Variants in ERBIN observed in about 807,000 individuals in gnomAD.
The protein encoded by ERBIN is densin-180-like protein.
In ERBIN, 60 loss-of-function variants were observed where a neutral mutation model predicts 158.4. The ratio of observed to expected loss-of-function variants is 0.38; its 90% CI spans 0.31 to 0.47. The LOEUF (loss-of-function observed/expected upper bound fraction) is 0.47, where lower values mean the gene tolerates loss of function less well. Among genes scored for constraint, ERBIN ranks in the 20% least tolerant of loss-of-function variants. The probability of loss-of-function intolerance (pLI) is 0.99; values close to 1 mark genes in which losing one functional copy is unlikely to be tolerated. For missense variants in ERBIN, 1,610 were observed against 1,648.0 expected (o/e 0.98, Z 0.40); for synonymous variants, 594 against 557.2 (o/e 1.07, Z -0.93).
At chr5:66,020,064 G>A (rs1283488443) in intron 7 of ERBIN, among the ~76,000 whole-genome samples, 1 of 152,068 alleles carries the variant, frequency 6.6e-6, no homozygotes, top group Non-Finnish European at 1.5e-5. Flanking sequence ...GTTTTCTGGG[G>A]AAAGATATGA....
chr5:65,941,811 G>T (rs1295286857), intron 1 of ERBIN, among the ~76,000 whole-genome samples: 6 of 151,868 alleles, frequency 4.0e-5, no homozygotes, highest in Non-Finnish European at 8.8e-5. Context: ...CACGATCTCT[G>T]CTCACTGCAA....
intron 5 of ERBIN, among the ~76,000 whole-genome samples, 174 bp downstream of exon 5, chr5:66,012,301 A>C (rs931079155): frequency 3.9e-5 from 6 of 152,194 alleles, no homozygotes; most frequent in Non-Finnish European, 8.8e-5. Flanking sequence ...CCCATGTACT[A>C]CTGAGGTAAA....
chr5:65,970,902 A>C (rs1052649941), intron 1 of ERBIN, among the ~76,000 whole-genome samples: 3 of 152,184 alleles, frequency 2.0e-5, no homozygotes, highest in Non-Finnish European at 4.4e-5. Context: ...CTAAAATTAG[A>C]AACTCCTTGA....
intron 21 of ERBIN, among the ~76,000 whole-genome samples, chr5:66,066,506 C>G (rs570619311): frequency 6.7e-6 from 1 of 149,374 alleles, no homozygotes; most frequent in South Asian, 2.1e-4. Flanking sequence ...CCCTCTTAAC[C>G]TCCCACTGCC....
intron 4 of ERBIN, among the ~76,000 whole-genome samples, chr5:66,008,714 TAAC>T (rs1037305925): frequency 3.3e-5 from 5 of 152,186 alleles, no homozygotes; most frequent in African/African-American, 1.2e-4. Flanking sequence ...TAGATTTTAA[TAAC>T]AACCAATAAA....
intron 1 of ERBIN, among the ~76,000 whole-genome samples, chr5:65,976,224 A>G (rs1749837091): frequency 6.6e-6 from 1 of 152,210 alleles, no homozygotes; most frequent in Non-Finnish European, 1.5e-5. Context: ...CTATAATCCC[A>G]GCACTTTGGG....
At chr5:65,929,624 T>C (rs1030396713) in intron 1 of ERBIN, among the ~76,000 whole-genome samples, 3 of 151,524 alleles carry the variant, frequency 2.0e-5, no homozygotes, top group Non-Finnish European at 4.4e-5. Context: ...TAAAGATGTC[T>C]TTGTCTTTTC....
At chr5:66,075,713 C>G (rs1012330518) in intron 23 of ERBIN, among the ~76,000 whole-genome samples, 2 of 152,016 alleles carry the variant, frequency 1.3e-5, no homozygotes, top group African/African-American at 4.8e-5. Flanking sequence ...AGATCAAATG[C>G]TTTATTCATT....
chr5:66,014,610 T>C (rs896189069), intron 6 of ERBIN, 59 bp from the exon 7 acceptor site: 15 of 819,610 alleles, frequency 1.8e-5, no homozygotes, highest in African/African-American at 5.6e-5. Flanking sequence ...GAATATGAAA[T>C]TAATTTATTA....
intron 8 of ERBIN, 101 bp from the exon 9 acceptor site, chr5:66,023,189 A>G (rs1226770659): frequency 2.5e-6 from 2 of 815,774 alleles, no homozygotes; most frequent in Non-Finnish European, 4.1e-6. Context: ...TAATGATTTG[A>G]AACTAAAGGT....
intron 8 of ERBIN, chr5:66,023,049 A>T (rs540671456): frequency 2.7e-6 from 1 of 367,168 alleles, no homozygotes; most frequent in South Asian, 5.4e-5. Flanking sequence ...ATCTACTGCT[A>T]TGGCATGTCT....
rs1483486833 is a variant in ERBIN at position 66,021,481 on chromosome 5, G to T, written c.597+96G>T. ...TATTTCTCTTACAAATTGGATAAAGGTTTACTTTTTTTTCTTAGTTACAAG... is the reference window on the plus strand; with the variant it reads ...TATTTCTCTTACAAATTGGATAAAGTTTTACTTTTTTTTCTTAGTTACAAG... On this transcript the variant is annotated intron_variant, in intron 8 of 25. Coordinates refer to ENST00000284037, the MANE Select transcript of ERBIN (RefSeq NM_001253697.2). 5.4e-6 allele frequency: 5 copies of T among 931,384 alleles called. No homozygotes were observed. In the South Asian group the frequency reaches 6.6e-5, roughly 12 times the overall value. The allele number at this position is 931,384 out of a possible 1,614,324, so 57.7% of individuals were successfully genotyped here.
chr5:66,068,782 T>G (rs1761256514), intron 21 of ERBIN: 3 of 1,102,446 alleles, frequency 2.7e-6, no homozygotes, highest in East Asian at 2.8e-5. Flanking sequence ...TCTCTGGTTT[T>G]GGGGTTACTT....
chr5:66,059,451 G>A (rs1000888007), intron 21 of ERBIN, among the ~76,000 whole-genome samples: 2 of 152,266 alleles, frequency 1.3e-5, no homozygotes, highest in East Asian at 1.9e-4. Flanking sequence ...AGATGATAGG[G>A]TTTTCTAGAT....
At chr5:66,037,209 G>A (rs573799501) in intron 14 of ERBIN, among the ~76,000 whole-genome samples, 93 of 152,142 alleles carry the variant, frequency 6.1e-4, no homozygotes, top group Non-Finnish European at 1.1e-3. Flanking sequence ...TGAATTACTC[G>A]TGACTTTGGA....
chr5:66,013,952 A>T (rs1754461355), intron 6 of ERBIN, among the ~76,000 whole-genome samples: 1 of 152,112 alleles, frequency 6.6e-6, no homozygotes, highest in Non-Finnish European at 1.5e-5. Context: ...TTAATAATTG[A>T]TTTATCTGTC....
At chr5:66,015,057 A>T (rs775013817) in intron 7 of ERBIN, among the ~76,000 whole-genome samples, 2 of 152,184 alleles carry the variant, frequency 1.3e-5, no homozygotes, top group African/African-American at 4.8e-5. Flanking sequence ...GTTCATACAC[A>T]TAGTGCTCAT....
At chr5:66,067,082 G>A (rs1415714034) in intron 21 of ERBIN, among the ~76,000 whole-genome samples, 8 of 152,152 alleles carry the variant, frequency 5.3e-5, no homozygotes, top group African/African-American at 1.9e-4. Context: ...ATGTATGTAT[G>A]AATGATTTCT....
intron 1 of ERBIN, among the ~76,000 whole-genome samples, chr5:65,953,252 G>A (rs1229444037): frequency 1.3e-5 from 2 of 152,234 alleles, no homozygotes; most frequent in East Asian, 1.9e-4. Flanking sequence ...ACACAGTCTA[G>A]TTGGTATAGT....
Sources: allele counts gnomAD v4.1 joint callset (sites outside exome capture counted in the v4.1 genomes callset), GRCh38; gene constraint gnomAD v4.1.1; transcripts MANE v1.5; gene names NCBI Gene and HGNC (gene_info 2026-07-23, HGNC 2026-07-21).